The following IMMP2L variants were observed in gnomAD, a reference collection of about 807,000 sequenced individuals.
The protein encoded by IMMP2L is mitochondrial inner membrane protease subunit 2.
In IMMP2L, 18 loss-of-function variants were observed where a neutral mutation model predicts 19.3. The ratio of observed to expected loss-of-function variants is 0.93; its 90% CI spans 0.64 to 1.38. The LOEUF is 1.38. Ranked by LOEUF, IMMP2L falls within the 40% of genes most tolerant of loss-of-function variation. IMMP2L has a pLI of 0.00. For missense variants in IMMP2L, 233 were observed against 218.2 expected (o/e 1.07, Z -0.43); for synonymous variants, 76 against 73.0 (o/e 1.04, Z -0.21).
At chr7:110,712,137 G>A (rs1265243859) in intron 5 of IMMP2L, among the ~76,000 whole-genome samples, 1 of 118,080 alleles carries the variant, frequency 8.5e-6, no homozygotes, top group African/African-American at 2.7e-5. Flanking sequence ...CCATCTTTGT[G>A]GTTTTATCTA....
chr7:111,348,766 C>A (rs1049918144), intron 3 of IMMP2L, among the ~76,000 whole-genome samples: 1 of 152,048 alleles, frequency 6.6e-6, no homozygotes, highest in Non-Finnish European at 1.5e-5. Context: ...TCCCTCGATG[C>A]TCTCCTGGTA....
At chr7:111,287,311 C>T (rs1025807188) in intron 3 of IMMP2L, among the ~76,000 whole-genome samples, 31 of 152,162 alleles carry the variant, frequency 2.0e-4, no homozygotes, top group African/African-American at 7.2e-4. Flanking sequence ...CGTACATATT[C>T]CTGCTTTACC....
intron 3 of IMMP2L, among the ~76,000 whole-genome samples, chr7:111,350,637 A>C (rs1314377575): frequency 6.6e-6 from 1 of 152,082 alleles, no homozygotes; most frequent in Non-Finnish European, 1.5e-5. Flanking sequence ...GATTCAGAGA[A>C]GGTTTCAGCT....
chr7:111,029,616 A>T (rs1468026853), intron 3 of IMMP2L, among the ~76,000 whole-genome samples: 3 of 152,188 alleles, frequency 2.0e-5, no homozygotes, highest in Non-Finnish European at 4.4e-5. Context: ...TCCATTAGTG[A>T]TGGTCAAATG....
At chr7:111,078,980 T>C (rs1795649979) in intron 3 of IMMP2L, among the ~76,000 whole-genome samples, 1 of 152,156 alleles carries the variant, frequency 6.6e-6, no homozygotes, top group African/African-American at 2.4e-5. Flanking sequence ...TCCACCTGCC[T>C]TGACCTCCCA....
At chr7:111,009,833 T>C (rs1585726427) in intron 3 of IMMP2L, among the ~76,000 whole-genome samples, 1 of 152,270 alleles carries the variant, frequency 6.6e-6, no homozygotes, top group East Asian at 1.9e-4. Flanking sequence ...TGCTGTGGTT[T>C]TGAGAACAGA....
At chr7:110,706,320 T>C (rs1428910738) in intron 5 of IMMP2L, among the ~76,000 whole-genome samples, 1 of 152,088 alleles carries the variant, frequency 6.6e-6, no homozygotes, top group African/African-American at 2.4e-5. Flanking sequence ...CCAAGGCTGG[T>C]CTTGAACTCC....
At chr7:111,458,979 T>C (rs1351546116) in intron 3 of IMMP2L, among the ~76,000 whole-genome samples, 1 of 152,120 alleles carries the variant, frequency 6.6e-6, no homozygotes. Flanking sequence ...CAATCTAAAA[T>C]CTTCACCATT....
At chr7:111,233,991 C>T (rs895146146) in intron 3 of IMMP2L, among the ~76,000 whole-genome samples, 5 of 152,004 alleles carry the variant, frequency 3.3e-5, no homozygotes, top group Non-Finnish European at 5.9e-5. Flanking sequence ...TTGGAATATA[C>T]AAAAAGACAA....
intron 4 of IMMP2L, among the ~76,000 whole-genome samples, chr7:110,937,270 G>T (rs1481154675): frequency 6.6e-6 from 1 of 152,150 alleles, no homozygotes; most frequent in Non-Finnish European, 1.5e-5. Flanking sequence ...AGTGTCATGT[G>T]ACTAGAGATA....
intron 3 of IMMP2L, among the ~76,000 whole-genome samples, chr7:111,164,533 G>A (rs1161162457): frequency 1.3e-5 from 2 of 152,032 alleles, no homozygotes; most frequent in African/African-American, 4.8e-5. Flanking sequence ...TGGGATGAAA[G>A]AGTGGAGTGA....
At chr7:110,872,332 A>C (rs1441166878) in intron 5 of IMMP2L, among the ~76,000 whole-genome samples, 1 of 152,132 alleles carries the variant, frequency 6.6e-6, no homozygotes, top group Non-Finnish European at 1.5e-5. Context: ...TCTTTTCTTC[A>C]AGGTTGAACT....
At chr7:110,966,943 T>C (rs949178909) in intron 3 of IMMP2L, among the ~76,000 whole-genome samples, 4 of 152,128 alleles carry the variant, frequency 2.6e-5, no homozygotes, top group African/African-American at 4.8e-5. Context: ...ACTTGAGGAA[T>C]ACAATGGATG....
intron 3 of IMMP2L, among the ~76,000 whole-genome samples, chr7:111,345,796 G>A (rs573033614): frequency 6.6e-6 from 1 of 152,202 alleles, no homozygotes; most frequent in South Asian, 2.1e-4. Context: ...TACTGTCCAG[G>A]TCATTTTAAG....
chr7:111,424,371 G>A (rs780781449), intron 3 of IMMP2L, among the ~76,000 whole-genome samples: 5 of 151,748 alleles, frequency 3.3e-5, no homozygotes, highest in African/African-American at 4.9e-5. Context: ...AAACCCATCC[G>A]TTAATACTCA....
At chr7:111,473,583 A>C (rs1000586333) in intron 3 of IMMP2L, among the ~76,000 whole-genome samples, 1 of 152,208 alleles carries the variant, frequency 6.6e-6, no homozygotes, top group African/African-American at 2.4e-5. Context: ...CAATACTGGC[A>C]GACTGAATGA....
intron 4 of IMMP2L, among the ~76,000 whole-genome samples, chr7:110,897,674 G>A (rs1351643540): frequency 1.3e-5 from 2 of 152,090 alleles, no homozygotes; most frequent in African/African-American, 4.8e-5. Flanking sequence ...CAAAAAATCT[G>A]GATGCAAAGA....
intron 3 of IMMP2L, among the ~76,000 whole-genome samples, chr7:111,430,300 C>T (rs967402175): frequency 6.6e-6 from 1 of 151,658 alleles, no homozygotes; most frequent in Non-Finnish European, 1.5e-5. Flanking sequence ...TGAAATATGT[C>T]TGACAACTAC....
chr7:111,293,084 C>T (rs776078868), intron 3 of IMMP2L, among the ~76,000 whole-genome samples: 1 of 151,952 alleles, frequency 6.6e-6, no homozygotes, highest in Non-Finnish European at 1.5e-5. Flanking sequence ...CAATGGTGTA[C>T]ACCTAAGAAG....
Sources: allele counts gnomAD v4.1 joint callset (sites outside exome capture counted in the v4.1 genomes callset), GRCh38; gene constraint gnomAD v4.1.1; transcripts MANE v1.5; gene names NCBI Gene and HGNC (gene_info 2026-07-23, HGNC 2026-07-21).